Variants in CASP10 observed in about 807,000 individuals in gnomAD.
The protein encoded by CASP10 is caspase-10.
Under a neutral mutation model 48.5 loss-of-function variants are expected in CASP10, and 41 were observed. The observed-to-expected ratio is 0.85, with a 90% confidence interval of 0.66 to 1.10. CASP10 has a LOEUF of 1.10. Among genes scored for constraint, CASP10 ranks in the 50% least tolerant of loss-of-function variants. The probability of loss-of-function intolerance (pLI) is 0.00; values close to 1 mark genes in which losing one functional copy is unlikely to be tolerated. For missense variants in CASP10, 614 were observed against 614.5 expected, an observed-to-expected ratio of 1.00 and a Z score of 0.01; for synonymous variants, 232 against 238.4, an observed-to-expected ratio of 0.97 and a Z score of 0.25.
At chr2:201,209,028 T>C (rs1472904812) in intron 8 of CASP10, 42 bp from the exon 9 acceptor site, 1 of 1,577,578 alleles carries the variant, frequency 6.3e-7, no homozygotes, top group Admixed American at 1.8e-5. Context: ...TTCCCCTTTC[T>C]CTCTCTCTCT....
At chr2:201,208,972 C>T (rs562074236) in intron 8 of CASP10, 98 bp from the exon 9 acceptor site, 1 of 1,371,704 alleles carries the variant, frequency 7.3e-7, no homozygotes, top group Admixed American at 2.1e-5. Context: ...GCCACTGTGC[C>T]CGGCCTTGTT....
chr2:201,225,574 C>G (rs1945777404), downstream of CASP10, among the ~76,000 whole-genome samples: 1 of 152,162 alleles, frequency 6.6e-6, no homozygotes, highest in Admixed American at 6.5e-5. Context: ...CTGAGAAGCC[C>G]CACCTTTTCT....
rs7608787 is a variant in CASP10 at position 201,186,133 on chromosome 2, G to A, written c.347+9G>A. On this transcript the variant is annotated intron_variant, in intron 2 of 9. Transcript: ENST00000286186. ...AGGGTTTCTCTGTTTAGGTGAGGAC[G>A]GGTCTGTGGTGGAGATGGGAGGATC... 1.8e-5 allele frequency: 29 copies of A among 1,602,714 alleles called. No homozygotes were observed. In the Admixed American group the frequency reaches 2.2e-4, roughly 12 times the overall value.
intron 5 of CASP10, among the ~76,000 whole-genome samples, chr2:201,199,745 T>C (rs1944945910): frequency 6.6e-6 from 1 of 151,894 alleles, no homozygotes; most frequent in Admixed American, 6.6e-5. Flanking sequence ...CGGCTAATTT[T>C]TGTATTTTTA....
In CASP10 at chr2:201,209,188, C is replaced by T. The variant is rs1326342299; in HGVS notation, c.1041C>T (p.Asp347=). 7.4e-6 allele frequency: 12 copies of T among 1,612,614 alleles called. No homozygotes were observed. In the Admixed American group the frequency reaches 8.3e-5, roughly 11 times the overall value. Residue 347 remains aspartate, a synonymous_variant, in exon 9 of 10, where the codon GAC becomes GAT. Transcript: ENST00000286186. ...AGAAGTGCAATCCAGCCCATGCCGA[C>T]GGGGACTGCTTCGTGTTCTGTATTC... is the stretch of plus-strand genomic sequence containing the variant. ...QKQKCNPAHA[D]GDCFVFCILT... is the part of the protein sequence containing the mutation.
chr2:201,184,477 C>G (rs1459387381), intron 1 of CASP10, among the ~76,000 whole-genome samples: 1 of 152,120 alleles, frequency 6.6e-6, no homozygotes, highest in Non-Finnish European at 1.5e-5. Flanking sequence ...GCGTGCACCA[C>G]CATGCCTGGC....
chr2:201,187,434 T>G (rs1944452388), intron 2 of CASP10, among the ~76,000 whole-genome samples: 1 of 152,132 alleles, frequency 6.6e-6, no homozygotes, highest in Non-Finnish European at 1.5e-5. Flanking sequence ...ATGCCTTTTT[T>G]TTTTTAAATA....
chr2:201,196,105 T>C (rs2126023395), intron 5 of CASP10, 157 bp downstream of exon 5: 2 of 611,712 alleles, frequency 3.3e-6, no homozygotes, highest in East Asian at 2.7e-5. Flanking sequence ...AACAACATGA[T>C]ATCAACCAGA....
intron 7 of CASP10, chr2:201,206,340 C>T (rs1407175596): frequency 2.2e-5 from 4 of 184,436 alleles, no homozygotes; most frequent in South Asian, 1.9e-4. Flanking sequence ...ATTTTAGCTG[C>T]CCAGAGGCTC....
Position 201,219,998 on chromosome 2 carries a change from G to A in CASP10, c.*2257G>A. 1 of 985,382 alleles carries A rather than the reference G, an allele frequency of 1.0e-6. No homozygotes were observed. The highest frequency in any genetic ancestry group is 1.2e-6 in the Non-Finnish European group (1 of 829,892). The allele number at this position is 985,382 out of a possible 1,614,324, so 61.0% of individuals were successfully genotyped here. The stretch of plus-strand genomic sequence containing the variant: ...TCATAAAAAAATGTCAAGGAATGAA[G>A]AACAACAACTCTCAGTGGTGCCTGC... On this transcript the variant is annotated 3_prime_UTR_variant, in exon 10 of 10. Transcript: ENST00000286186.
chr2:201,229,127 C>G (rs1224234191), exon 10 of CASP10: 1 of 1,612,668 alleles, frequency 6.2e-7, no homozygotes, highest in East Asian at 2.2e-5. Context: ...AGCCACATCG[C>G]CTGAGATTGA....
chr2:201,184,825 A>T (rs969277647), intron 1 of CASP10, among the ~76,000 whole-genome samples: 19 of 152,126 alleles, frequency 1.2e-4, no homozygotes, highest in Admixed American at 1.2e-3. Context: ...GACTCATGTA[A>T]TTTGTTTTTT....
Position 201,187,735 on chromosome 2 carries a change from T to C in CASP10, c.377T>C (p.Ile126Thr), listed in dbSNP as rs1944463937. The C allele has an allele frequency of 6.2e-7, 1 of 1,614,118 alleles. No homozygotes were observed. Residue 126 changes from isoleucine (I) to threonine (T), a missense_variant, in exon 3 of 10, where the codon ATT becomes ACT. By Grantham distance (89) the Ile-to-Thr change is moderately conservative. Transcript: ENST00000286186. The stretch of plus-strand genomic sequence containing the variant: ...CTGCTCTACGAACTGTCAGAAGGCA[T>C]TGACTCAGAGAACTTAAAGGACATG... The part of the protein sequence containing the change: ...RNLLYELSEG[I>T]DSENLKDMIF...
chr2:201,187,444 A>G (rs1282759496), intron 2 of CASP10, among the ~76,000 whole-genome samples: 1 of 151,564 alleles, frequency 6.6e-6, no homozygotes, highest in African/African-American at 2.4e-5. Context: ...TTTTTTAAAT[A>G]TGCCTTCTTA....
intron 5 of CASP10, 131 bp downstream of exon 5, chr2:201,196,079 A>C (rs764114274): frequency 2.7e-5 from 18 of 670,498 alleles, no homozygotes; most frequent in Non-Finnish European, 4.2e-5. Flanking sequence ...TGGTCTCACC[A>C]TGGTGATTGC....
chr2:201,201,724 G>A (rs1443511498), intron 5 of CASP10, among the ~76,000 whole-genome samples: 1 of 152,052 alleles, frequency 6.6e-6, no homozygotes, highest in African/African-American at 2.4e-5. Flanking sequence ...AGTTATCTGG[G>A]CAGCCCTTTC....
intron 5 of CASP10, 95 bp downstream of exon 5, chr2:201,196,043 C>T (rs982619364): frequency 4.9e-6 from 4 of 818,656 alleles, no homozygotes; most frequent in Non-Finnish European, 6.3e-6. Flanking sequence ...GAGAGAGAGG[C>T]CCCGGTTTGT....
intron 7 of CASP10, 23 bp downstream of exon 7, chr2:201,205,996 CT>C (rs1559306624): frequency 9.2e-6 from 14 of 1,521,526 alleles, no homozygotes; most frequent in Middle Eastern, 1.9e-4. Flanking sequence ...TCTTTTATTC[CT>C]TTTTTAATAA....
In CASP10 at chr2:201,209,343, AG is replaced by A. The variant is rs1945319934; in HGVS notation, c.1198del (p.Ala400ProfsTer18). 6.2e-7 allele frequency: 1 copy of A among 1,614,026 alleles called. No homozygotes were observed. The highest frequency in any genetic ancestry group is 1.3e-5 in the African/African-American group (1 of 74,920). ...GAAAAACCTAAACTCTTTTTCATCC[AG>A]GCCTGCCAAGGTGAAGAGATACAGC... The part of the protein sequence containing the change: ...LAEKPKLFFI[Q>X]ACQGEEIQPS... On this transcript the variant is annotated frameshift_variant, in exon 9 of 10. Coordinates refer to ENST00000286186, the MANE Select transcript of CASP10 (RefSeq NM_032977.4). LOFTEE classifies it high-confidence loss of function.
Sources: allele counts gnomAD v4.1 joint callset (sites outside exome capture counted in the v4.1 genomes callset), GRCh38; gene constraint gnomAD v4.1.1; transcripts MANE v1.5; gene names NCBI Gene and HGNC (gene_info 2026-07-23, HGNC 2026-07-21).